LMO4: variants seen among roughly 807,000 people sequenced by gnomAD.
LMO4 encodes LIM domain transcription factor LMO4.
LMO4 carries 3 observed loss-of-function variants against 18.5 expected under a neutral mutation model. That is an observed-to-expected ratio of 0.16 (90% CI 0.07 to 0.42). The LOEUF is 0.42. LMO4 is among the 10% of genes least tolerant of loss of function. LMO4 has a pLI of 0.99. For synonymous variants in LMO4, 100 were observed against 88.1 expected (o/e 1.14, Z -0.76); for missense variants, 121 against 219.9 (o/e 0.55, Z 2.84).
intron 1 of LMO4, among the ~76,000 whole-genome samples, chr1:87,329,737 T>G (rs1650076248): frequency 6.6e-6 from 1 of 152,188 alleles, no homozygotes; most frequent in Admixed American, 6.5e-5. Context: ...GGCTTATAAG[T>G]CTTTTGTTCC....
intron 4 of LMO4, among the ~76,000 whole-genome samples, chr1:87,343,606 A>G (rs1211880898): frequency 6.6e-6 from 1 of 152,204 alleles, no homozygotes; most frequent in African/African-American, 2.4e-5. Context: ...TGAGTGTTCT[A>G]GTCTACATGT....
In LMO4 at chr1:87,344,820, G is replaced by A. The variant is rs767274487; in HGVS notation, c.*24G>A. ...AAAAGGTCAGAGTAATGCAGAATGC[G>A]TGCCTTCATCTCAGATTTGTTCATC... On this transcript the variant is annotated 3_prime_UTR_variant, in exon 5 of 5. Transcript: ENST00000370544. The A allele has an allele frequency of 2.2e-5, 35 of 1,613,080 alleles. No individual in the cohort carries two copies. The South Asian group carries it at 2.2e-4, about 10-fold the overall frequency.
At chr1:87,340,729 T>G (rs988319548) in intron 4 of LMO4, among the ~76,000 whole-genome samples, 4 of 152,220 alleles carry the variant, frequency 2.6e-5, no homozygotes, top group African/African-American at 9.6e-5. Flanking sequence ...AAGAGGGCAT[T>G]TTTGTTCATT....
Position 87,344,798 on chromosome 1 carries a change from AG to A in LMO4, c.*4del. 1 of 1,613,920 alleles carries A rather than the reference AG, an allele frequency of 6.2e-7. No homozygotes were observed. Among genetic ancestry groups the A allele is most frequent in the Non-Finnish European group, 8.5e-7 (1 of 1,179,844 alleles). On this transcript the variant is annotated 3_prime_UTR_variant, in exon 5 of 5. Coordinates refer to ENST00000370544, the MANE Select transcript of LMO4 (RefSeq NM_006769.4). ...TTTTATTTCTTGCAGGTCTGCTAAA[AG>A]GTCAGAGTAATGCAGAATGCGTGCC...
At chr1:87,336,051 G>T (rs761560625) in intron 2 of LMO4, among the ~76,000 whole-genome samples, 2 of 112,334 alleles carry the variant, frequency 1.8e-5, no homozygotes, top group Non-Finnish European at 3.4e-5. Context: ...ATTATGCACA[G>T]CCCCCCTCTT....
chr1:87,331,707 C>T (rs936542264), intron 1 of LMO4: 2 of 383,726 alleles, frequency 5.2e-6, no homozygotes, highest in Non-Finnish European at 9.3e-6. Flanking sequence ...GAGCGCGCAG[C>T]GGAGCCTGCT....
Position 87,332,067 on chromosome 1 carries a change from C to T in LMO4, c.52C>T (p.Leu18Phe). Reference sequence around the variant, plus strand: ...GCCGCCCCCGGTGACGGCCGGCTCCCTCTCCTGGAAGCGGTGCGCAGGCTG... The same window carrying T: ...GCCGCCCCCGGTGACGGCCGGCTCCTTCTCCTGGAAGCGGTGCGCAGGCTG... ...SQPPPVTAGS[L>F]SWKRCAGCGG... Residue 18 changes from leucine to phenylalanine, a missense_variant, in exon 2 of 5, where the codon CTC becomes TTC. This residue lies in a region of LMO4 where 51 missense variants were observed against 56.8 expected (regional missense o/e 0.90). Transcript: ENST00000370544. The T allele has an allele frequency of 4.3e-6, 7 of 1,613,710 alleles. No individual in the cohort carries two copies. The highest frequency in any genetic ancestry group is 5.1e-6 in the Non-Finnish European group (6 of 1,180,006).
chr1:87,336,864 C>T (rs1325279765), intron 2 of LMO4, among the ~76,000 whole-genome samples: 3 of 152,200 alleles, frequency 2.0e-5, no homozygotes, highest in Admixed American at 1.3e-4. Flanking sequence ...AGTCTGAGAC[C>T]GATAGCTACT....
chr1:87,345,334 T>C lies in LMO4; in HGVS notation c.*538T>C, dbSNP rs1230661511. 1 of 152,256 alleles carries C rather than the reference T, an allele frequency of 6.6e-6. No homozygotes were observed. Among genetic ancestry groups the C allele is most frequent in the African/African-American group, 2.4e-5 (1 of 41,274 alleles). The allele number at this position is 152,256 out of a possible 1,614,324, so 9.4% of individuals were successfully genotyped here. ...CTTATTGTATCTCTGTAAAATACAA[T>C]GTATGTATGCATGTAAGTGTTTTTG... On this transcript the variant is annotated 3_prime_UTR_variant, in exon 5 of 5. Coordinates refer to ENST00000370544, the MANE Select transcript of LMO4 (RefSeq NM_006769.4).
rs1321393592 is a variant in LMO4, at chr1:87,348,762, A to G, written c.*3966A>G. 1 of 516,102 alleles carries G rather than the reference A, an allele frequency of 1.9e-6. No individual in the cohort carries two copies. The highest frequency in any genetic ancestry group is 1.4e-5 in the South Asian group (1 of 70,960). 32.0% of individuals were successfully genotyped at this position (516,102 alleles called of 1,614,324 possible). On this transcript the variant is annotated 3_prime_UTR_variant, in exon 5 of 5. Transcript: ENST00000370544. Reference sequence around the variant, plus strand: ...GCTAGTAGATATGTGCATGTTTCCTAGAGGGAATGTTTTCAAGTTCAGATT... The same window carrying G: ...GCTAGTAGATATGTGCATGTTTCCTGGAGGGAATGTTTTCAAGTTCAGATT...
Position 87,332,080 on chromosome 1 carries a change from G to T in LMO4, c.65G>T (p.Arg22Leu). 1 of 1,613,854 alleles carries T rather than the reference G, an allele frequency of 6.2e-7. No homozygotes were observed. The highest frequency in any genetic ancestry group is 8.5e-7 in the Non-Finnish European group (1 of 1,180,030). Residue 22 changes from arginine (R) to leucine (L), a missense_variant, in exon 2 of 5, where the codon CGG (arginine) becomes CTG (leucine). Arg to Leu is a moderately radical substitution (Grantham distance 102). Coordinates refer to ENST00000370544, the MANE Select transcript of LMO4 (RefSeq NM_006769.4). Reference sequence around the variant, plus strand: ...ACGGCCGGCTCCCTCTCCTGGAAGCGGTGCGCAGGCTGCGGGGGCAAGATT... The same window carrying T: ...ACGGCCGGCTCCCTCTCCTGGAAGCTGTGCGCAGGCTGCGGGGGCAAGATT... ...PVTAGSLSWKRCAGCGGKIAD... is the reference protein window; with the variant it reads ...PVTAGSLSWKLCAGCGGKIAD...
chr1:87,343,740 A>G (rs1301743489), intron 4 of LMO4, among the ~76,000 whole-genome samples: 1 of 152,190 alleles, frequency 6.6e-6, no homozygotes, highest in Admixed American at 6.5e-5. Flanking sequence ...GGACAGACAA[A>G]TTACCTTTCT....
rs557566192 is a variant in LMO4, at chr1:87,348,474, C to T, written c.*3678C>T. ...CCATGAAACTGCAATTAAAGTATTA[C>T]TGAGCAGCCATTTTAGATTGGCAGT... On this transcript the variant is annotated 3_prime_UTR_variant, in exon 5 of 5. Transcript: ENST00000370544. 17 of 305,210 alleles carry T rather than the reference C, an allele frequency of 5.6e-5. 1 individual carries two copies. The highest frequency in any genetic ancestry group is 4.4e-4 in the South Asian group (15 of 34,064). The allele number at this position is 305,210 out of a possible 1,614,324, so 18.9% of individuals were successfully genotyped here.
rs1419983912 is a variant in LMO4, at chr1:87,332,226, A to T, written c.211A>T (p.Ile71Phe). Residue 71 changes from isoleucine (I) to phenylalanine (F), a missense_variant, in exon 2 of 5, where the codon ATC becomes TTC. Around this residue, in one of 4 missense-constraint regions of LMO4, gnomAD observed 62 missense variants for 128.8 expected, o/e 0.48. Transcript: ENST00000370544. ...GTCCTGTTACACCAAAAGTGGCATGATCCTTTGCAGAAATGACTACATTAG... is the reference window on the plus strand; with the variant it reads ...GTCCTGTTACACCAAAAGTGGCATGTTCCTTTGCAGAAATGACTACATTAG... The part of the protein sequence containing the change: ...GTSCYTKSGM[I>F]LCRNDYIRLF... The T allele has an allele frequency of 6.2e-7, 1 of 1,613,990 alleles. No homozygotes were observed. The highest frequency in any genetic ancestry group is 1.3e-5 in the African/African-American group (1 of 74,936).
intron 4 of LMO4, among the ~76,000 whole-genome samples, chr1:87,341,406 G>C (rs1650468911): frequency 6.6e-6 from 1 of 151,878 alleles, no homozygotes; most frequent in Non-Finnish European, 1.5e-5. Context: ...ATTCTTTATG[G>C]ATTTACAATA....
rs188875835 is a variant in LMO4, at chr1:87,336,243, G to T, written c.237-3293G>T. ...TGGAAAACCAATTGCTTCTGGATCAGTAGCTGTGGATGTGCTTTTTTCTCC... is the reference window on the plus strand; with the variant it reads ...TGGAAAACCAATTGCTTCTGGATCATTAGCTGTGGATGTGCTTTTTTCTCC... On this transcript the variant is annotated intron_variant, in intron 2 of 4. Coordinates refer to ENST00000370544, the MANE Select transcript of LMO4 (RefSeq NM_006769.4). Among the ~76,000 whole-genome samples the T allele has an allele frequency of 7.2e-5, 11 of 152,308 alleles. No individual in the cohort carries two copies. In the East Asian group the frequency reaches 1.9e-3, roughly 27 times the overall value.
At chr1:87,331,021 C>A (rs1175344541) in intron 1 of LMO4, among the ~76,000 whole-genome samples, 1 of 143,868 alleles carries the variant, frequency 7.0e-6, no homozygotes, top group Non-Finnish European at 1.5e-5. Context: ...ACTTGTGCAT[C>A]CCTTAATGGT....
chr1:87,330,527 TA>T (rs1322398054), intron 1 of LMO4, among the ~76,000 whole-genome samples: 1 of 152,218 alleles, frequency 6.6e-6, no homozygotes, highest in African/African-American at 2.4e-5. Flanking sequence ...GTGCAGTTCT[TA>T]TTCTGGTTTA....
intron 2 of LMO4, among the ~76,000 whole-genome samples, chr1:87,332,924 T>G (rs772247494): frequency 8.5e-5 from 13 of 152,350 alleles, no homozygotes; most frequent in Non-Finnish European, 1.8e-4. Flanking sequence ...TGGTTTGCGA[T>G]GTAGAATTTG....
Sources: gnomAD v4.1 joint callset for allele counts (sites outside exome capture counted in the v4.1 genomes callset) on GRCh38, gnomAD v4.1.1 for gene constraint, gnomAD v4.1.1 regional missense constraint, MANE v1.5 for transcripts, NCBI Gene and HGNC (gene_info 2026-07-23, HGNC 2026-07-21) for gene names.